Variants in CDH23 observed in about 807,000 individuals in gnomAD.
CDH23 encodes cadherin related 23.
In CDH23, 189 loss-of-function variants were observed where a neutral mutation model predicts 317.1. The ratio of observed to expected loss-of-function variants is 0.60; its 90% confidence interval spans 0.53 to 0.67. The LOEUF is 0.67. Ranked by LOEUF, CDH23 falls within the 30% of genes least tolerant of loss-of-function variation. The pLI is 0.00. For synonymous variants in CDH23, 1,839 were observed against 1,876.8 expected (o/e 0.98, Z 0.52); for missense variants, 4,401 against 4,592.4 (o/e 0.96, Z 1.20).
At chr10:71,739,808 G>A (rs776701090) in intron 36 of CDH23, 36 bp downstream of exon 36, 2 of 1,581,032 alleles carry the variant, frequency 1.3e-6, no homozygotes, top group Non-Finnish European at 1.7e-6. Context: ...AGAGACCACT[G>A]GCTAAGTGCC....
At chr10:71,649,110 C>G (rs371092377) in intron 14 of CDH23, among the ~76,000 whole-genome samples, 7 of 152,172 alleles carry the variant, frequency 4.6e-5, no homozygotes, top group Admixed American at 2.0e-4. Flanking sequence ...CACCCTCCCC[C>G]CTTCCTCTCC....
In CDH23 at chr10:71,617,557, C is replaced by G. The variant is rs7903772; in HGVS notation, c.1134+164C>G. On this transcript the variant is annotated intron_variant, in intron 11 of 69. Coordinates refer to ENST00000224721, the MANE Select transcript of CDH23 (RefSeq NM_022124.6). The stretch of plus-strand genomic sequence containing the variant: ...TAAGGCTGAAAAAAAAATCACTAGT[C>G]TCTACTTTTGGATTATCCCCTACAC... 1,016,152 of 1,465,802 alleles carry G rather than the reference C, an allele frequency of 0.69. 359,161 individuals are homozygous for G. Among genetic ancestry groups the G allele is most frequent in the South Asian group, 0.74 (54,425 of 73,366 alleles). 90.8% of individuals were successfully genotyped at this position (1,465,802 alleles called of 1,614,324 possible).
chr10:71,731,146 G>A (rs549420620), intron 31 of CDH23, among the ~76,000 whole-genome samples: 2 of 152,282 alleles, frequency 1.3e-5, no homozygotes, highest in South Asian at 2.1e-4. Context: ...CAAAATGAAG[G>A]GGAAGCATGC....
chr10:71,707,933 AC>A lies in CDH23; in HGVS notation c.3106+886del, dbSNP rs535683833. Among the ~76,000 whole-genome samples the A allele has an allele frequency of 5.3e-5, 8 of 151,876 alleles. No homozygotes were observed. In the South Asian group the frequency reaches 1.7e-3, roughly 32 times the overall value. On this transcript the variant is annotated intron_variant, in intron 26 of 69. Transcript: ENST00000224721. The stretch of plus-strand genomic sequence containing the variant: ...CTGTGGCTTTGCTGCGGCCAACGTG[AC>A]CTCCCAGCCCTCAGCCTTCCCTTTC...
intron 69 of CDH23, among the ~76,000 whole-genome samples, chr10:71,814,679 GAT>G (rs1842061811): frequency 2.6e-5 from 1 of 38,374 alleles, no homozygotes; most frequent in African/African-American, 1.6e-4. Flanking sequence ...ACAAGAAGCC[GAT>G]ACACACACAC....
intron 42 of CDH23, 21 bp downstream of exon 42, chr10:71,784,441 C>A (rs759169021): frequency 5.6e-6 from 9 of 1,608,326 alleles, no homozygotes; most frequent in South Asian, 1.1e-5. Flanking sequence ...GGGCCCCACC[C>A]GCTGGCTTCA....
intron 18 of CDH23, 102 bp from the exon 19 acceptor site, chr10:71,687,545 G>A (rs1864956917): frequency 1.9e-6 from 2 of 1,036,168 alleles, no homozygotes; most frequent in Non-Finnish European, 3.0e-6. Flanking sequence ...AGCTCTTTAG[G>A]GCCAGCCAGA....
At chr10:71,732,632 C>A (rs1839430421) in intron 32 of CDH23, 10 of 1,397,566 alleles carry the variant, frequency 7.2e-6, no homozygotes, top group Non-Finnish European at 9.3e-6. Flanking sequence ...GACCTTGTCT[C>A]TTACAAAGAA....
chr10:71,623,774 T>C (rs1861580029), intron 11 of CDH23, among the ~76,000 whole-genome samples: 1 of 152,202 alleles, frequency 6.6e-6, no homozygotes, highest in African/African-American at 2.4e-5. Flanking sequence ...TCTTAGGAAC[T>C]CTTCCCAGGA....
intron 22 of CDH23, among the ~76,000 whole-genome samples, chr10:71,699,772 C>A (rs570128868): frequency 6.6e-6 from 1 of 152,302 alleles, no homozygotes; most frequent in East Asian, 1.9e-4. Flanking sequence ...TGGTGAGATT[C>A]TACAAAATCG....
chr10:71,704,834 G>A (rs1341352946), intron 24 of CDH23, 77 bp from the exon 25 acceptor site: 21 of 1,151,284 alleles, frequency 1.8e-5, no homozygotes, highest in Non-Finnish European at 2.7e-5. Flanking sequence ...TGGCAGGGAG[G>A]AGGAGCACTT....
chr10:71,789,839 G>A (rs1488197292), intron 45 of CDH23, among the ~76,000 whole-genome samples: 1 of 152,244 alleles, frequency 6.6e-6, no homozygotes, highest in Non-Finnish European at 1.5e-5. Context: ...AAGTGCCTGT[G>A]GCCATGTGAA....
intron 38 of CDH23, 103 bp downstream of exon 38, chr10:71,742,024 G>A (rs1465058256): frequency 1.0e-6 from 1 of 977,082 alleles, no homozygotes; most frequent in African/African-American, 1.6e-5. Flanking sequence ...CACACAGCAG[G>A]CGAATCCTTG....
At chr10:71,618,350 C>T (rs560460319) in intron 11 of CDH23, among the ~76,000 whole-genome samples, 3 of 152,172 alleles carry the variant, frequency 2.0e-5, no homozygotes, top group East Asian at 1.9e-4. Flanking sequence ...CCCTGCATCA[C>T]AGGGGCGGGC....
At position 71,751,594 on chromosome 10, in the gene CDH23, G is replaced by A. The variant is rs1840003773; in HGVS notation, c.4845+9673G>A. ...GAACTCTTCAGGGAGGGCAGGGAGT[G>A]AGGCCGATGCCCTGCAGGCCATGAG... is the stretch of plus-strand genomic sequence containing the variant. On this transcript the variant is annotated intron_variant, in intron 38 of 69. Coordinates refer to ENST00000224721, the MANE Select transcript of CDH23 (RefSeq NM_022124.6). The surrounding 1 kb of genome is among the most constrained non-coding windows in gnomAD (Gnocchi z 4.9). 2.7e-6 allele frequency: 4 copies of A among 1,472,280 alleles called. No homozygotes were observed. The highest frequency in any genetic ancestry group is 5.0e-4 in the Middle Eastern group (2 of 3,962). 91.2% of individuals were successfully genotyped at this position (1,472,280 alleles called of 1,614,324 possible).
chr10:71,768,576 A>G (rs1453748137), intron 38 of CDH23, among the ~76,000 whole-genome samples: 1 of 152,158 alleles, frequency 6.6e-6, no homozygotes, highest in Non-Finnish European at 1.5e-5. Context: ...CATGGGCTCA[A>G]GTTATCCTCC....
chr10:71,800,474 C>A (rs1019973480), intron 52 of CDH23, among the ~76,000 whole-genome samples, 162 bp from the exon 53 acceptor site: 12 of 152,108 alleles, frequency 7.9e-5, no homozygotes, highest in Admixed American at 7.9e-4. Context: ...GTAGTGAGAG[C>A]AAGAAGAGCC....
intron 47 of CDH23, among the ~76,000 whole-genome samples, chr10:71,791,902 T>C (rs1223242046): frequency 6.6e-6 from 1 of 152,042 alleles, no homozygotes; most frequent in Non-Finnish European, 1.5e-5. Context: ...ATTCTCCATT[T>C]GAATTCCCAG....
At chr10:71,682,005 G>T (rs148989907) in intron 17 of CDH23, among the ~76,000 whole-genome samples, 2 of 152,090 alleles carry the variant, frequency 1.3e-5, no homozygotes, top group Non-Finnish European at 2.9e-5. Context: ...GCAGCTTCCA[G>T]ACTGACGGGG....
Sources: allele counts gnomAD v4.1 joint callset (sites outside exome capture counted in the v4.1 genomes callset), GRCh38; gene constraint gnomAD v4.1.1; non-coding constraint Gnocchi (gnomAD v3.1); transcripts MANE v1.5; gene names NCBI Gene and HGNC (gene_info 2026-07-23, HGNC 2026-07-21).